AUTS2: variants seen among roughly 807,000 people sequenced by gnomAD.
The protein encoded by AUTS2 is autism susceptibility gene 2 protein.
A neutral mutation model predicts 112.4 loss-of-function variants in AUTS2; 17 were observed. The ratio of observed to expected loss-of-function variants is 0.15; its 90% CI spans 0.10 to 0.23. The LOEUF (loss-of-function observed/expected upper bound fraction) is 0.23, where lower values mean the gene tolerates loss of function less well. Among genes scored for constraint, AUTS2 ranks in the 10% least tolerant of loss-of-function variants. The pLI is 1.00. For synonymous variants in AUTS2, 751 were observed against 702.7 expected (o/e 1.07, Z -1.09); for missense variants, 1,510 against 1,701.6 (o/e 0.89, Z 1.98).
At chr7:70,651,460 T>C (rs1806502468) in intron 5 of AUTS2, among the ~76,000 whole-genome samples, 1 of 152,194 alleles carries the variant, frequency 6.6e-6, no homozygotes, top group African/African-American at 2.4e-5. Context: ...AAAATGCATT[T>C]AATACACTTA....
intron 2 of AUTS2, among the ~76,000 whole-genome samples, chr7:69,988,750 C>G (rs1049225308): frequency 3.3e-5 from 5 of 152,230 alleles, no homozygotes; most frequent in Admixed American, 3.3e-4. Flanking sequence ...ACATCCCCCT[C>G]TAACTAGCTG....
At chr7:70,491,529 A>C (rs190526091) in intron 5 of AUTS2, among the ~76,000 whole-genome samples, 1 of 131,812 alleles carries the variant, frequency 7.6e-6, no homozygotes, top group Non-Finnish European at 1.6e-5. Context: ...CACACAATAT[A>C]TTATATATAC....
At chr7:70,528,675 G>A (rs999486224) in intron 5 of AUTS2, among the ~76,000 whole-genome samples, 2 of 152,074 alleles carry the variant, frequency 1.3e-5, no homozygotes, top group Non-Finnish European at 2.9e-5. Flanking sequence ...TACTTGGGAG[G>A]CTGAGGCAAA....
chr7:69,976,007 G>T (rs1798046204), intron 2 of AUTS2, among the ~76,000 whole-genome samples: 1 of 152,064 alleles, frequency 6.6e-6, no homozygotes, highest in African/African-American at 2.4e-5. Flanking sequence ...TTTTACTCTG[G>T]TAAAGATGTA....
At chr7:69,870,448 A>AATATAT (rs11467258) in intron 1 of AUTS2, among the ~76,000 whole-genome samples, 1,083 of 78,968 alleles carry the variant, frequency 0.014, 59 homozygotes, top group African/African-American at 0.036. Flanking sequence ...ATGTGTGTGT[A>AATATAT]ATATATATAT....
chr7:69,988,577 A>G (rs1380807138), intron 2 of AUTS2, among the ~76,000 whole-genome samples: 1 of 127,280 alleles, frequency 7.9e-6, no homozygotes, highest in Non-Finnish European at 1.6e-5. Flanking sequence ...TGTTTTATGC[A>G]TTGCTTTTTT....
At chr7:69,957,099 A>T (rs1361944709) in intron 2 of AUTS2, among the ~76,000 whole-genome samples, 2 of 150,440 alleles carry the variant, frequency 1.3e-5, no homozygotes, top group Non-Finnish European at 3.0e-5. Flanking sequence ...GCTGGCCTCA[A>T]ACTCCTGCTG....
intron 2 of AUTS2, among the ~76,000 whole-genome samples, chr7:69,948,167 T>C (rs1252600309): frequency 6.6e-6 from 1 of 152,204 alleles, no homozygotes; most frequent in Non-Finnish European, 1.5e-5. Context: ...CTAATCTTTA[T>C]CCCTTGAGTA....
chr7:70,421,641 G>A lies in AUTS2; in HGVS notation c.661-14111G>A, dbSNP rs547188388. 2.0e-5 allele frequency among the ~76,000 whole-genome samples: 3 copies of A among 152,310 alleles called. No individual in the cohort carries two copies. The East Asian group carries it at 5.8e-4, about 29-fold the overall frequency. On this transcript the variant is annotated intron_variant, in intron 4 of 18. Coordinates refer to ENST00000342771, the MANE Select transcript of AUTS2 (RefSeq NM_015570.4). ...CTCTGGCTAACTGCTTTTCTGCCCT[G>A]ATGAGGAGTCACTCGGGGAGACTGA...
chr7:70,110,859 C>CTTTTTTTTTTT (rs71077618), intron 2 of AUTS2, among the ~76,000 whole-genome samples: 56 of 82,780 alleles, frequency 6.8e-4, no homozygotes, highest in East Asian at 1.7e-3. Flanking sequence ...TTCTTTCTTT[C>CTTTTTTTTTTT]TTTTTTTTTT....
intron 6 of AUTS2, among the ~76,000 whole-genome samples, chr7:70,720,075 G>A (rs1380955288): frequency 2.0e-5 from 3 of 152,084 alleles, no homozygotes; most frequent in African/African-American, 7.2e-5. Flanking sequence ...TTCCCTTGCT[G>A]TTGCTGTTCT....
chr7:69,816,943 T>C (rs1273925873), intron 1 of AUTS2, among the ~76,000 whole-genome samples: 1 of 152,248 alleles, frequency 6.6e-6, no homozygotes, highest in Admixed American at 6.5e-5. Context: ...TCCCAGTATC[T>C]GCTCACTAGC....
At chr7:69,715,511 G>T (rs1798566089) in intron 1 of AUTS2, among the ~76,000 whole-genome samples, 1 of 152,128 alleles carries the variant, frequency 6.6e-6, no homozygotes, top group African/African-American at 2.4e-5. Flanking sequence ...TTGGTTACTT[G>T]GTTTCCTTGG....
At chr7:70,651,509 A>G (rs1806505062) in intron 5 of AUTS2, among the ~76,000 whole-genome samples, 2 of 152,190 alleles carry the variant, frequency 1.3e-5, no homozygotes. Flanking sequence ...CCCCCCTTAA[A>G]CACGCTCAAA....
chr7:69,864,006 A>G (rs559316781), intron 1 of AUTS2, among the ~76,000 whole-genome samples: 1 of 152,166 alleles, frequency 6.6e-6, no homozygotes, highest in South Asian at 2.1e-4. Flanking sequence ...TGGTTCTGAT[A>G]CCAGGAAATA....
At chr7:69,859,158 G>A (rs1382288202) in intron 1 of AUTS2, among the ~76,000 whole-genome samples, 1 of 152,176 alleles carries the variant, frequency 6.6e-6, no homozygotes, top group Non-Finnish European at 1.5e-5. Flanking sequence ...TGAGGATATT[G>A]TGCTTTCAAA....
intron 4 of AUTS2, among the ~76,000 whole-genome samples, chr7:70,260,906 C>T (rs2129607109): frequency 6.6e-6 from 1 of 152,102 alleles, no homozygotes; most frequent in Middle Eastern, 3.4e-3. Context: ...CGTGCCACCA[C>T]AGCTGGCTAA....
At chr7:69,759,888 A>G (rs1256343477) in intron 1 of AUTS2, among the ~76,000 whole-genome samples, 7 of 148,498 alleles carry the variant, frequency 4.7e-5, no homozygotes, top group Non-Finnish European at 8.9e-5. Flanking sequence ...TCAGTTTTGT[A>G]TGGGATCTTC....
chr7:70,418,961 A>C (rs2130633575), intron 4 of AUTS2, among the ~76,000 whole-genome samples: 1 of 152,146 alleles, frequency 6.6e-6, no homozygotes, highest in South Asian at 2.1e-4. Context: ...TAAAAGTAGC[A>C]GTTTTTAATG....
Sources: gnomAD v4.1 joint callset for allele counts (sites outside exome capture counted in the v4.1 genomes callset) on GRCh38, gnomAD v4.1.1 for gene constraint, MANE v1.5 for transcripts, NCBI Gene and HGNC (gene_info 2026-07-23, HGNC 2026-07-21) for gene names.